The following KIF13B variants were observed in gnomAD, a reference collection of about 807,000 sequenced individuals.
KIF13B encodes the protein kinesin-like protein KIF13B.
KIF13B carries 127 observed loss-of-function variants against 222.0 expected under a neutral mutation model. The ratio of observed to expected loss-of-function variants is 0.57; its 90% CI spans 0.50 to 0.66. The LOEUF (loss-of-function observed/expected upper bound fraction) is 0.66. Ranked by LOEUF, KIF13B falls within the 30% of genes least tolerant of loss-of-function variation. The pLI, the probability that KIF13B is intolerant of heterozygous loss-of-function variation, is 0.00. For synonymous variants in KIF13B, 976 were observed against 919.0 expected (o/e 1.06, Z -1.12); for missense variants, 2,173 against 2,379.0 (o/e 0.91, Z 1.80).
At chr8:29,195,680 G>C (rs941658279) in intron 3 of KIF13B, among the ~76,000 whole-genome samples, 8 of 152,212 alleles carry the variant, frequency 5.3e-5, no homozygotes, top group Non-Finnish European at 8.8e-5. Flanking sequence ...GTGAAAGCAT[G>C]TTCCCTTGAG....
Position 29,133,961 on chromosome 8 carries a change from C to T in KIF13B, c.2784+79G>A, listed in dbSNP as rs545108127. The T allele has an allele frequency of 1.5e-5, 20 of 1,377,040 alleles. No homozygotes were observed. The South Asian group carries it at 2.6e-4, about 18-fold the overall frequency. The allele number at this position is 1,377,040 out of a possible 1,614,324, so 85.3% of individuals were successfully genotyped here. A position where few individuals can be genotyped will look rare whatever the true frequency, so the allele number is the denominator to read the frequency against. ...CAAGACATATAACGGCACATTTAGTCAAAGAAACAAGGTTCATTTTCTGTT... is the reference window on the plus strand; with the variant it reads ...CAAGACATATAACGGCACATTTAGTTAAAGAAACAAGGTTCATTTTCTGTT... On this transcript the variant is annotated intron_variant, in intron 22 of 39. Coordinates refer to ENST00000524189, the MANE Select transcript of KIF13B (RefSeq NM_015254.4).
intron 33 of KIF13B, 84 bp from the exon 34 acceptor site, chr8:29,109,595 C>T (rs888742322): frequency 3.8e-6 from 4 of 1,054,266 alleles, no homozygotes; most frequent in Non-Finnish European, 4.4e-6. Flanking sequence ...GACTTGCAAC[C>T]CCCATCTATA....
intron 2 of KIF13B, among the ~76,000 whole-genome samples, chr8:29,220,955 T>C (rs1376393545): frequency 1.3e-5 from 2 of 152,018 alleles, no homozygotes; most frequent in African/African-American, 4.8e-5. Flanking sequence ...TATAAATAAA[T>C]ATATTTTTAT....
intron 35 of KIF13B, among the ~76,000 whole-genome samples, chr8:29,102,083 T>G (rs1248631224): frequency 6.8e-6 from 1 of 146,756 alleles, no homozygotes; most frequent in Admixed American, 6.8e-5. Context: ...AATGTTGGGG[T>G]AGATTAAAAA....
intron 38 of KIF13B, among the ~76,000 whole-genome samples, chr8:29,073,779 CA>C (rs1807424795): frequency 6.6e-6 from 1 of 152,094 alleles, no homozygotes; most frequent in South Asian, 2.1e-4. Context: ...TTCCCGTTTC[CA>C]GGGGCCCTCT....
intron 16 of KIF13B, 48 bp downstream of exon 16, chr8:29,148,529 C>A (rs1811160875): frequency 7.0e-7 from 1 of 1,428,460 alleles, no homozygotes; most frequent in Non-Finnish European, 9.4e-7. Context: ...CCCACCTCAG[C>A]CTCTACCAAC....
chr8:29,111,069 A>G (rs914072275), intron 32 of KIF13B, among the ~76,000 whole-genome samples: 8 of 152,256 alleles, frequency 5.3e-5, no homozygotes, highest in African/African-American at 1.7e-4. Flanking sequence ...AAAATGTGGG[A>G]GGATTTGTAA....
intron 5 of KIF13B, 70 bp from the exon 6 acceptor site, chr8:29,186,542 CTCA>C: frequency 7.6e-7 from 1 of 1,315,400 alleles, no homozygotes; most frequent in East Asian, 2.4e-5. Context: ...CTTTCCGTTG[CTCA>C]TAATAAACAC....
In KIF13B at chr8:29,176,295, T is replaced by C. The variant is rs1812474162; in HGVS notation, c.834-116A>G. 3 of 647,626 alleles carry C rather than the reference T, an allele frequency of 4.6e-6. No homozygotes were observed. The East Asian group carries it at 8.2e-5, about 18-fold the overall frequency. The allele number at this position is 647,626 out of a possible 1,614,324, so 40.1% of individuals were successfully genotyped here. A position where few individuals can be genotyped will look rare whatever the true frequency, so the allele number is the denominator to read the frequency against. On this transcript the variant is annotated intron_variant, in intron 9 of 39. Coordinates refer to ENST00000524189, the MANE Select transcript of KIF13B (RefSeq NM_015254.4). ...GTACCTGCATGTGAGCAGCACCCTG[T>C]CAGCATTTTGCCGCTCAGTTCAAAA...
intron 14 of KIF13B, among the ~76,000 whole-genome samples, chr8:29,150,978 C>T (rs192745465): frequency 2.0e-5 from 3 of 151,410 alleles, no homozygotes; most frequent in Non-Finnish European, 4.4e-5. Flanking sequence ...GGAATCACAT[C>T]GAAAACCAAG....
Position 29,202,705 on chromosome 8 carries a change from T to G in KIF13B, c.150-6506A>C, listed in dbSNP as rs150253724. On this transcript the variant is annotated intron_variant, in intron 2 of 39. Transcript: ENST00000524189. ...AGAGCAGAAAGCATCTGCTGGGAAC[T>G]GGCACAAGGAATGTGAAGCTGCCTT... 8.2e-3 allele frequency among the ~76,000 whole-genome samples: 1,249 copies of G among 152,320 alleles called. 7 individuals carry two copies. The highest frequency in any genetic ancestry group is 0.014 in the African/African-American group (588 of 41,580).
intron 2 of KIF13B, among the ~76,000 whole-genome samples, chr8:29,213,621 A>G (rs931976197): frequency 6.6e-6 from 1 of 152,174 alleles, no homozygotes; most frequent in East Asian, 1.9e-4. Flanking sequence ...CCTGGAGGCA[A>G]CTGTAACACA....
chr8:29,258,135 A>G (rs1007499333), intron 1 of KIF13B, among the ~76,000 whole-genome samples: 4 of 152,164 alleles, frequency 2.6e-5, no homozygotes, highest in Non-Finnish European at 4.4e-5. Flanking sequence ...AGAATCACCA[A>G]TGACCCCAGG....
intron 2 of KIF13B, among the ~76,000 whole-genome samples, chr8:29,229,656 C>G (rs1044368390): frequency 6.6e-6 from 1 of 152,162 alleles, no homozygotes; most frequent in African/African-American, 2.4e-5. Context: ...ACCTTGACCA[C>G]GGAGTTCCTT....
At chr8:29,125,974 G>A (rs961739324) in intron 26 of KIF13B, among the ~76,000 whole-genome samples, 2 of 152,078 alleles carry the variant, frequency 1.3e-5, no homozygotes, top group African/African-American at 4.8e-5. Flanking sequence ...TGGGCATGGT[G>A]GCGTGCACCT....
chr8:29,123,766 T>C (rs1268602028), intron 27 of KIF13B, among the ~76,000 whole-genome samples: 1 of 152,212 alleles, frequency 6.6e-6, no homozygotes, highest in Non-Finnish European at 1.5e-5. Context: ...CACCTTCCTT[T>C]ATGTTATCTT....
At chr8:29,178,372 T>C (rs1477390508) in intron 8 of KIF13B, among the ~76,000 whole-genome samples, 1 of 152,190 alleles carries the variant, frequency 6.6e-6, no homozygotes, top group Non-Finnish European at 1.5e-5. Context: ...TATAATTCCA[T>C]TTCATGTCAG....
chr8:29,145,520 A>C (rs1489742172), intron 18 of KIF13B, among the ~76,000 whole-genome samples: 1 of 152,140 alleles, frequency 6.6e-6, no homozygotes, highest in Non-Finnish European at 1.5e-5. Context: ...AATCCCAGAT[A>C]CTGAGGAGGC....
At chr8:29,198,744 T>C (rs1003519312) in intron 2 of KIF13B, among the ~76,000 whole-genome samples, 4 of 152,224 alleles carry the variant, frequency 2.6e-5, no homozygotes, top group African/African-American at 9.6e-5. Flanking sequence ...TGTATGTTTA[T>C]TGTAACACAG....
Sources: gnomAD v4.1 joint callset for allele counts (sites outside exome capture counted in the v4.1 genomes callset) on GRCh38, gnomAD v4.1.1 for gene constraint, MANE v1.5 for transcripts, NCBI Gene and HGNC (gene_info 2026-07-23, HGNC 2026-07-21) for gene names.